The following RGS9 variants were observed in gnomAD, a reference collection of about 807,000 sequenced individuals.
The protein encoded by RGS9 is regulator of G-protein signalling 9.
RGS9 carries 78 observed loss-of-function variants against 102.0 expected under a neutral mutation model. The ratio of observed to expected loss-of-function variants is 0.76; its 90% CI spans 0.64 to 0.92. The LOEUF is 0.92. RGS9 is among the 40% of genes least tolerant of loss of function. The pLI, the probability that RGS9 is intolerant of heterozygous loss-of-function variation, is 0.00. For synonymous variants in RGS9, 353 were observed against 318.6 expected, an observed-to-expected ratio of 1.11 and a Z score of -1.15; for missense variants, 833 against 866.1, an observed-to-expected ratio of 0.96 and a Z score of 0.48.
intron 1 of RGS9, among the ~76,000 whole-genome samples, chr17:65,138,687 AG>A (rs1471343036): frequency 1.3e-5 from 2 of 152,158 alleles, no homozygotes; most frequent in Non-Finnish European, 2.9e-5. Flanking sequence ...TACTAAAAGC[AG>A]AAGAAACTGC....
In RGS9 at chr17:65,145,481, C is replaced by T. The variant is rs191225547; in HGVS notation, c.57+7884C>T. On this transcript the variant is annotated intron_variant, in intron 1 of 18. Coordinates refer to ENST00000262406, the MANE Select transcript of RGS9 (RefSeq NM_003835.4). ...TCGTCTCAGTGCAACCTCTGCCTCC[C>T]GGGTTCAAGCGATTCTCCTGCCTCA... Among the ~76,000 whole-genome samples the T allele has an allele frequency of 1.6e-3, 243 of 151,994 alleles. 2 individuals are homozygous for T. Among genetic ancestry groups the T allele is most frequent in the South Asian group, 0.01 (48 of 4,794 alleles).
chr17:65,201,768 C>T (rs10221195), intron 13 of RGS9, among the ~76,000 whole-genome samples: 36 of 152,252 alleles, frequency 2.4e-4, no homozygotes, highest in African/African-American at 8.7e-4. Flanking sequence ...TTACTAAGTT[C>T]CCAATGTTCT....
intron 8 of RGS9, among the ~76,000 whole-genome samples, chr17:65,170,558 C>G (rs148890747): frequency 1.3e-5 from 2 of 152,188 alleles, no homozygotes; most frequent in African/African-American, 2.4e-5. Flanking sequence ...ACTTCTGCCT[C>G]TCATGACAAT....
chr17:65,182,813 C>G (rs763786901), intron 9 of RGS9, among the ~76,000 whole-genome samples: 1 of 152,200 alleles, frequency 6.6e-6, no homozygotes, highest in African/African-American at 2.4e-5. Context: ...GGGGCTTGTA[C>G]AGCCGCCCAA....
rs963984065 is a variant in RGS9, at chr17:65,224,856, C to T, written c.1408-146C>T. 7.3e-6 allele frequency: 8 copies of T among 1,096,406 alleles called. No individual in the cohort carries two copies. In the Admixed American group the frequency reaches 9.0e-5, roughly 12 times the overall value. The allele number at this position is 1,096,406 out of a possible 1,614,324, so 67.9% of individuals were successfully genotyped here. ...CCATTGTCATAGGTAGCTTTGGACACCGTTCCCAGCTCCCTAGGAGGCAGC... is the reference window on the plus strand; with the variant it reads ...CCATTGTCATAGGTAGCTTTGGACATCGTTCCCAGCTCCCTAGGAGGCAGC... On this transcript the variant is annotated intron_variant, in intron 17 of 18. Transcript: ENST00000262406.
At chr17:65,145,016 C>T (rs370590574) in intron 1 of RGS9, among the ~76,000 whole-genome samples, 62 of 152,262 alleles carry the variant, frequency 4.1e-4, no homozygotes, top group African/African-American at 1.3e-3. Flanking sequence ...TATCTGTGTC[C>T]TAATCTGTTC....
intron 1 of RGS9, among the ~76,000 whole-genome samples, chr17:65,138,402 T>C (rs1373591793): frequency 6.6e-6 from 1 of 152,084 alleles, no homozygotes; most frequent in Non-Finnish European, 1.5e-5. Context: ...GTAGAATTAG[T>C]TGAATGTTTT....
In RGS9 at chr17:65,190,192, G is replaced by A. The variant is rs1050275546; in HGVS notation, c.702G>A (p.Gln234=). The change falls in exon 11 of 19, where the codon CAG becomes CAA. Residue 234 remains glutamine (Q), a synonymous_variant. Coordinates refer to ENST00000262406, the MANE Select transcript of RGS9 (RefSeq NM_003835.4). ...TCTTCCAGATCATGTATTACCAACA[G>A]GCCTTGATGAGGTCCACAGTGAAGT... The part of the protein sequence containing the change: ...AVKKEIMYYQ[Q]ALMRSTVKSS... 2 of 1,613,634 alleles carry A rather than the reference G, an allele frequency of 1.2e-6. No individual in the cohort carries two copies. The highest frequency in any genetic ancestry group is 1.7e-6 in the Non-Finnish European group (2 of 1,179,668).
chr17:65,149,198 T>A (rs1047860625), intron 1 of RGS9, among the ~76,000 whole-genome samples: 9 of 152,042 alleles, frequency 5.9e-5, no homozygotes, highest in Non-Finnish European at 1.3e-4. Context: ...GGTCTCGAAC[T>A]CCTGACCTCA....
chr17:65,185,541 C>G (rs1912077046), intron 9 of RGS9: 2 of 152,734 alleles, frequency 1.3e-5, no homozygotes, highest in African/African-American at 4.8e-5. Flanking sequence ...TGTACGCAAC[C>G]TGGACAGCTA....
At chr17:65,224,887 C>G in intron 17 of RGS9, 115 bp from the exon 18 acceptor site, 6 of 1,412,138 alleles carry the variant, frequency 4.2e-6, no homozygotes, top group Non-Finnish European at 5.9e-6. Context: ...GCAGCCATAT[C>G]AGGCCCGCAC....
At chr17:65,192,129 A>G (rs1017481918) in intron 11 of RGS9, among the ~76,000 whole-genome samples, 8 of 152,246 alleles carry the variant, frequency 5.3e-5, no homozygotes, top group Non-Finnish European at 1.2e-4. Flanking sequence ...TGATGTTTCA[A>G]TACATACAAT....
intron 8 of RGS9, among the ~76,000 whole-genome samples, chr17:65,172,754 C>T (rs1209024172): frequency 6.6e-6 from 1 of 151,892 alleles, no homozygotes; most frequent in East Asian, 1.9e-4. Context: ...GCCATGGCAG[C>T]TGGTAGGAGG....
chr17:65,186,523 G>C (rs1240098701), intron 9 of RGS9, among the ~76,000 whole-genome samples: 1 of 152,180 alleles, frequency 6.6e-6, no homozygotes, highest in Non-Finnish European at 1.5e-5. Context: ...TTTAAATTAA[G>C]TGACTGGACA....
In RGS9 at chr17:65,210,623, C is replaced by T; in HGVS notation, c.1407+18C>T. 1.9e-6 allele frequency: 3 copies of T among 1,613,214 alleles called. No homozygotes were observed. Among genetic ancestry groups the T allele is most frequent in the East Asian group, 2.2e-5 (1 of 44,876 alleles). Reference sequence around the variant, plus strand: ...TCACCCAGGTCATGAGCAAGCTGGACCGCAGGAGCCAACTCCAAAAAGAGC... The same window carrying T: ...TCACCCAGGTCATGAGCAAGCTGGATCGCAGGAGCCAACTCCAAAAAGAGC... On this transcript the variant is annotated intron_variant, in intron 17 of 18. Transcript: ENST00000262406.
intron 14 of RGS9, among the ~76,000 whole-genome samples, chr17:65,202,832 C>A (rs993008953): frequency 1.3e-5 from 2 of 152,200 alleles, no homozygotes; most frequent in Non-Finnish European, 2.9e-5. Context: ...ACTCCTCCCC[C>A]TACAGGCCTG....
At chr17:65,216,249 A>C (rs1913518210) in intron 17 of RGS9, among the ~76,000 whole-genome samples, 1 of 152,258 alleles carries the variant, frequency 6.6e-6, no homozygotes. Flanking sequence ...TGACTGGGTT[A>C]TCAAAACTGA....
At chr17:65,148,952 G>A (rs1456473986) in intron 1 of RGS9, among the ~76,000 whole-genome samples, 1 of 149,628 alleles carries the variant, frequency 6.7e-6, no homozygotes, top group Non-Finnish European at 1.5e-5. Context: ...ATTGGTTTTG[G>A]TGTTTTTTTT....
In RGS9 at chr17:65,224,999, C is replaced by T. The variant is rs1021988026; in HGVS notation, c.1408-3C>T. On this transcript the variant is annotated splice_region_variant and splice_polypyrimidine_tract_variant and intron_variant, in intron 17 of 18. Coordinates refer to ENST00000262406, the MANE Select transcript of RGS9 (RefSeq NM_003835.4). ...CTGAGCTCTCTCCTTTCCTTCTCTA[C>T]AGCCGGGCCAGCACATGGCTCCCAG... 1 of 1,613,748 alleles carries T rather than the reference C, an allele frequency of 6.2e-7. No homozygotes were observed.
Sources: gnomAD v4.1 joint callset for allele counts (sites outside exome capture counted in the v4.1 genomes callset) on GRCh38, gnomAD v4.1.1 for gene constraint, MANE v1.5 for transcripts, NCBI Gene and HGNC (gene_info 2026-07-23, HGNC 2026-07-21) for gene names.